HIF3A: variants seen among roughly 807,000 people sequenced by gnomAD.
The protein encoded by HIF3A is hypoxia inducible factor 3 subunit alpha.
In HIF3A, 41 loss-of-function variants were observed where a neutral mutation model predicts 67.2. That is an observed-to-expected ratio of 0.61 (90% CI 0.48 to 0.79). The LOEUF is 0.79. Ranked by LOEUF, HIF3A falls within the 30% of genes least tolerant of loss-of-function variation. The pLI, the probability that HIF3A is intolerant of heterozygous loss-of-function variation, is 0.00. For synonymous variants in HIF3A, 356 were observed against 374.8 expected (o/e 0.95, Z 0.58); for missense variants, 855 against 898.0 (o/e 0.95, Z 0.61).
At chr19:46,327,923 A>G (rs1970910264) in intron 11 of HIF3A, among the ~76,000 whole-genome samples, 1 of 152,230 alleles carries the variant, frequency 6.6e-6, no homozygotes, top group African/African-American at 2.4e-5. Context: ...TCCTCCCAGT[A>G]TTGACATGTA....
chr19:46,312,833 G>T (rs1181723336), intron 8 of HIF3A, 180 bp downstream of exon 8: 35 of 1,307,724 alleles, frequency 2.7e-5, no homozygotes, highest in South Asian at 4.3e-5. Flanking sequence ...AAATGCCGGT[G>T]TGTGTGTCTG....
chr19:46,319,098 G>A (rs1437601525), intron 8 of HIF3A, among the ~76,000 whole-genome samples: 2 of 152,094 alleles, frequency 1.3e-5, no homozygotes, highest in South Asian at 2.1e-4. Flanking sequence ...TGTGTCACAC[G>A]TGCACATATT....
At chr19:46,322,035 A>T in intron 10 of HIF3A, 69 bp downstream of exon 10, 1 of 1,489,030 alleles carries the variant, frequency 6.7e-7, no homozygotes, top group Non-Finnish European at 9.2e-7. Flanking sequence ...TTGGCCTGTG[A>T]CTTAAACCTG....
At chr19:46,303,605 G>T (rs1301116877) in intron 1 of HIF3A, 1 of 1,558,094 alleles carries the variant, frequency 6.4e-7, no homozygotes, top group East Asian at 2.3e-5. Context: ...CTGCAGATAA[G>T]TCAGGGAGGG....
intron 1 of HIF3A, among the ~76,000 whole-genome samples, chr19:46,302,287 C>G (rs777454245): frequency 6.6e-6 from 1 of 152,064 alleles, no homozygotes; most frequent in Non-Finnish European, 1.5e-5. Context: ...CCCACCACCA[C>G]GCCCAGCTAA....
At chr19:46,325,430 G>A (rs756812976) in intron 10 of HIF3A, 105 bp from the exon 11 acceptor site, 8 of 762,270 alleles carry the variant, frequency 1.0e-5, no homozygotes, top group Non-Finnish European at 1.8e-5. Flanking sequence ...TGCCCCAGAT[G>A]CCTGGCATTT....
At position 46,297,056 on chromosome 19, in the gene HIF3A, C is replaced by T. The variant is rs765024334; in HGVS notation, c.-21C>T. On this transcript the variant is annotated 5_prime_UTR_variant, in exon 1 of 15. Transcript: ENST00000377670. The surrounding 1 kb of genome is among the most constrained non-coding windows in gnomAD (Gnocchi z 4.5). The stretch of plus-strand genomic sequence containing the variant: ...GGGGGCTAGGGGCCTCCGAGGGCTC[C>T]GGAGCGGCGACTGGCGAGCCATGGC... The T allele has an allele frequency of 3.8e-6, 5 of 1,304,128 alleles. No homozygotes were observed. In the East Asian group the frequency reaches 8.4e-5, roughly 22 times the overall value. 80.8% of individuals were successfully genotyped at this position (1,304,128 alleles called of 1,614,324 possible). A position where few individuals can be genotyped will look rare whatever the true frequency, so the allele number is the denominator to read the frequency against.
chr19:46,313,138 C>A, intron 8 of HIF3A: 2 of 536,590 alleles, frequency 3.7e-6, no homozygotes, highest in Non-Finnish European at 2.4e-6. Context: ...GTAATCCCAA[C>A]TACTCGGGAG....
At chr19:46,303,761 C>T (rs1968544085) in intron 1 of HIF3A, 137 bp from the exon 2 acceptor site, 3 of 1,500,162 alleles carry the variant, frequency 2.0e-6, no homozygotes, top group Middle Eastern at 1.7e-4. Context: ...CTCGACAGGG[C>T]CACACATCGA....
At chr19:46,299,555 T>C (rs1277906752) in intron 1 of HIF3A, among the ~76,000 whole-genome samples, 5 of 151,630 alleles carry the variant, frequency 3.3e-5, no homozygotes, top group Non-Finnish European at 5.9e-5. Context: ...ATACTAGAAG[T>C]AAGCAAATTA....
chr19:46,325,745 G>A (rs1970738604), intron 11 of HIF3A, 106 bp downstream of exon 11: 4 of 730,532 alleles, frequency 5.5e-6, no homozygotes, highest in Non-Finnish European at 9.6e-6. Flanking sequence ...TGAATGGATG[G>A]ATGGATGGAC....
chr19:46,300,279 G>A (rs890255742), intron 1 of HIF3A, among the ~76,000 whole-genome samples: 2 of 152,192 alleles, frequency 1.3e-5, no homozygotes, highest in Non-Finnish European at 2.9e-5. Context: ...ACTATGGGGC[G>A]TGTAGAGTAA....
chr19:46,303,394 T>C (rs1185481410), intron 1 of HIF3A, among the ~76,000 whole-genome samples: 1 of 152,128 alleles, frequency 6.6e-6, no homozygotes, highest in East Asian at 1.9e-4. Flanking sequence ...TTGAGATCTA[T>C]GTTCCAAGAT....
intron 13 of HIF3A, among the ~76,000 whole-genome samples, chr19:46,331,767 A>G (rs1378561127): frequency 6.8e-6 from 1 of 146,246 alleles, no homozygotes. Flanking sequence ...AGGCAGAAGA[A>G]TTGTTTGAAC....
Position 46,303,907 on chromosome 19 carries a change from G to C in HIF3A, c.36G>C (p.Thr12=), listed in dbSNP as rs1396037084. ...ALGLQRARST[T]ELRKEKSRDA... is the part of the protein sequence containing the mutation. ...CTGCCCATGCCCTCAGGTCGACCAC[G>C]GAGCTGCGCAAGGAAAAGTCCCGGG... is the stretch of plus-strand genomic sequence containing the variant. Residue 12 remains threonine, a synonymous_variant, in exon 2 of 15, where the codon ACG becomes ACC. Transcript: ENST00000377670. 6.2e-7 allele frequency: 1 copy of C among 1,608,326 alleles called. No homozygotes were observed. Among genetic ancestry groups the C allele is most frequent in the Non-Finnish European group, 8.5e-7 (1 of 1,177,798 alleles).
rs146359603 is a variant in HIF3A, at chr19:46,297,660, T to TAAA, written c.26+559_26+561dup. ...TAGTATGCTTCCTGACACAGTCTCC[T>TAAA]AAACATTGGGTTTCCCTAGAAATGG... On this transcript the variant is annotated intron_variant, in intron 1 of 14. Coordinates refer to ENST00000377670, the MANE Select transcript of HIF3A (RefSeq NM_152795.4). This position sits in a 1 kb window ranked among gnomAD's most constrained non-coding sequence, Gnocchi z 4.5. 1.3e-5 allele frequency among the ~76,000 whole-genome samples: 2 copies of TAAA among 152,078 alleles called. No individual in the cohort carries two copies. The highest frequency in any genetic ancestry group is 1.3e-4 in the Admixed American group (2 of 15,278).
intron 8 of HIF3A, among the ~76,000 whole-genome samples, chr19:46,315,650 A>G (rs1039347211): frequency 6.6e-5 from 10 of 152,196 alleles, no homozygotes; most frequent in Non-Finnish European, 1.0e-4. Context: ...ACAGTGGCTG[A>G]TGCCTGTAAT....
In HIF3A at chr19:46,340,642, G is replaced by A. The variant is rs142643230; in HGVS notation, c.*1020G>A. 1,167 of 152,236 alleles carry A rather than the reference G, an allele frequency of 7.7e-3. 15 individuals are homozygous for A. The highest frequency in any genetic ancestry group is 0.027 in the African/African-American group (1,115 of 41,500). The allele number at this position is 152,236 out of a possible 1,614,324, so 9.4% of individuals were successfully genotyped here. A position where few individuals can be genotyped will look rare whatever the true frequency, so the allele number is the denominator to read the frequency against. On this transcript the variant is annotated 3_prime_UTR_variant, in exon 15 of 15. Transcript: ENST00000377670. ...CAACTTCCCAAATAGCCGGGACTAC[G>A]GGCATGTGCCACATTGCCCGGCTAA...
At chr19:46,302,668 G>C (rs928336217) in intron 1 of HIF3A, among the ~76,000 whole-genome samples, 1 of 152,180 alleles carries the variant, frequency 6.6e-6, no homozygotes, top group African/African-American at 2.4e-5. Flanking sequence ...GAGTTCAGGA[G>C]TTCAAGACCA....
Sources: allele counts gnomAD v4.1 joint callset (sites outside exome capture counted in the v4.1 genomes callset), GRCh38; gene constraint gnomAD v4.1.1; non-coding constraint Gnocchi (gnomAD v3.1); transcripts MANE v1.5; gene names NCBI Gene and HGNC (gene_info 2026-07-23, HGNC 2026-07-21).